The following CDK15 variants were observed in gnomAD, a reference collection of about 807,000 sequenced individuals.
CDK15 encodes the protein cyclin-dependent kinase 15.
In CDK15, 62 loss-of-function variants were observed where a neutral mutation model predicts 60.3. The ratio of observed to expected loss-of-function variants is 1.03; its 90% CI spans 0.84 to 1.27. The LOEUF is 1.27. Among genes scored for constraint, CDK15 ranks in the 50% most tolerant of loss-of-function variants. CDK15 has a pLI of 0.00. For missense variants in CDK15, 541 were observed against 527.8 expected (o/e 1.03, Z -0.25); for synonymous variants, 194 against 195.7 (o/e 0.99, Z 0.07).
At chr2:201,866,010 A>ATGTGTGTGTGTGTGTGTG (rs72270010) in intron 10 of CDK15, among the ~76,000 whole-genome samples, 2 of 139,638 alleles carry the variant, frequency 1.4e-5, no homozygotes, top group East Asian at 2.1e-4. Flanking sequence ...ACATGAGTGA[A>ATGTGTGTGTGTGTGTGTG]TGTGTGTGTG....
chr2:201,834,044 C>CTT, intron 7 of CDK15, 73 bp downstream of exon 7: 2 of 1,543,422 alleles, frequency 1.3e-6, no homozygotes, highest in Non-Finnish European at 8.8e-7. Context: ...TAAGCGTTGA[C>CTT]TGGGCCTGGC....
intron 10 of CDK15, among the ~76,000 whole-genome samples, chr2:201,859,339 C>A (rs866536407): frequency 3.3e-5 from 5 of 152,134 alleles, no homozygotes; most frequent in Admixed American, 3.3e-4. Flanking sequence ...AAATGGCGAA[C>A]CTCTAGAGAC....
At chr2:201,888,700 T>G in intron 12 of CDK15, 1 of 1,310,164 alleles carries the variant, frequency 7.6e-7, no homozygotes, top group East Asian at 3.1e-5. Context: ...TCCCAGCATG[T>G]TCTGCCAGAT....
intron 3 of CDK15, among the ~76,000 whole-genome samples, chr2:201,812,236 A>G (rs1021307190): frequency 1.3e-5 from 2 of 151,820 alleles, no homozygotes; most frequent in African/African-American, 4.8e-5. Context: ...GAAAAATAAT[A>G]ATAAGCTCCA....
intron 10 of CDK15, among the ~76,000 whole-genome samples, chr2:201,871,128 AG>A (rs1439456740): frequency 6.6e-6 from 1 of 152,166 alleles, no homozygotes; most frequent in Non-Finnish European, 1.5e-5. Context: ...ATATAAAATT[AG>A]CTCCCCTTAC....
chr2:201,814,161 A>G (rs543330030), intron 4 of CDK15, among the ~76,000 whole-genome samples: 12 of 152,370 alleles, frequency 7.9e-5, no homozygotes, highest in African/African-American at 2.6e-4. Context: ...TAACTGTAAC[A>G]GTGAAACCTT....
chr2:201,851,967 A>G (rs992494181), intron 9 of CDK15, among the ~76,000 whole-genome samples: 4 of 152,032 alleles, frequency 2.6e-5, no homozygotes, highest in Admixed American at 2.6e-4. Flanking sequence ...CCCTTTGCCC[A>G]CTGTTTAATG....
At chr2:201,858,568 G>C (rs1019926682) in intron 10 of CDK15, among the ~76,000 whole-genome samples, 56 of 152,140 alleles carry the variant, frequency 3.7e-4, no homozygotes, top group African/African-American at 1.3e-3. Context: ...GCTTTGAAAA[G>C]TAGGCGCTTT....
rs1699737342 is a variant in CDK15 at position 201,894,972 on chromosome 2, T to TTAAG, written c.*1708_*1711dup. The TTAAG allele has an allele frequency of 1.3e-5, 2 of 152,212 alleles. No homozygotes were observed. Among genetic ancestry groups the TTAAG allele is most frequent in the Admixed American group, 1.3e-4 (2 of 15,272 alleles). The allele number at this position is 152,212 out of a possible 1,614,324, so 9.4% of individuals were successfully genotyped here. On this transcript the variant is annotated 3_prime_UTR_variant, in exon 14 of 14. Coordinates refer to ENST00000652192, the MANE Select transcript of CDK15 (RefSeq NM_001366386.2). The stretch of plus-strand genomic sequence containing the variant: ...TATGACTTAGTGGAAATTGGCACTT[T>TTAAG]TAAGTACAATATGAATTAATAGTAT...
At chr2:201,892,338 A>G (rs1392398470) in intron 13 of CDK15, among the ~76,000 whole-genome samples, 1 of 152,194 alleles carries the variant, frequency 6.6e-6, no homozygotes. Flanking sequence ...ATTATCAAAG[A>G]TACTAATGGA....
intron 6 of CDK15, among the ~76,000 whole-genome samples, chr2:201,827,965 T>C (rs1000420809): frequency 4.6e-5 from 7 of 152,312 alleles, no homozygotes; most frequent in South Asian, 4.1e-4. Flanking sequence ...GTTGATATTA[T>C]GGTAGTGACA....
chr2:201,845,834 TAAA>T (rs762600745), intron 8 of CDK15, among the ~76,000 whole-genome samples: 2 of 142,958 alleles, frequency 1.4e-5, no homozygotes, highest in Admixed American at 7.1e-5. Context: ...GGTTTGCGGT[TAAA>T]AAAAAAAAAG....
chr2:201,835,907 TTATA>T, intron 8 of CDK15, 144 bp downstream of exon 8: 1 of 196,712 alleles, frequency 5.1e-6, no homozygotes, highest in Non-Finnish European at 8.8e-6. Flanking sequence ...TTATATATAT[TTATA>T]TAGTTATATA....
chr2:201,885,922 G>T (rs1229597753), intron 12 of CDK15, among the ~76,000 whole-genome samples: 1 of 152,174 alleles, frequency 6.6e-6, no homozygotes, highest in Non-Finnish European at 1.5e-5. Context: ...CTGGAAGTCA[G>T]GTAGGCTAAT....
intron 10 of CDK15, among the ~76,000 whole-genome samples, chr2:201,864,372 C>T (rs559754145): frequency 6.6e-6 from 1 of 152,180 alleles, no homozygotes; most frequent in East Asian, 1.9e-4. Flanking sequence ...GGCTGGGGTA[C>T]AGTGGCGCGA....
Position 201,854,873 on chromosome 2 carries a change from G to C in CDK15, c.946-1G>C. 1 of 1,613,824 alleles carries C rather than the reference G, an allele frequency of 6.2e-7. No homozygotes were observed. Among genetic ancestry groups the C allele is most frequent in the Non-Finnish European group, 8.5e-7 (1 of 1,179,846 alleles). ...CTTTTTCTTTGTTTGGCTTTATATA[G>C]GTGCTGGGAGTCCCTACAGAGGATA... On this transcript the variant is annotated splice_acceptor_variant, in intron 9 of 13. Transcript: ENST00000652192. LOFTEE classifies it high-confidence loss of function.
intron 6 of CDK15, 132 bp from the exon 7 acceptor site, chr2:201,833,716 C>CTTCTTCTTCT (rs111614334): frequency 1.7e-3 from 292 of 170,890 alleles, no homozygotes; most frequent in East Asian, 4.3e-3. Context: ...TCTTCTTCTT[C>CTTCTTCTTCT]TTTTTTTTTT....
chr2:201,823,787 A>G, intron 6 of CDK15, 60 bp downstream of exon 6: 1 of 1,431,546 alleles, frequency 7.0e-7, no homozygotes, highest in Non-Finnish European at 9.8e-7. Context: ...GAATTCTGAA[A>G]CAGACTGTCT....
chr2:201,827,817 T>C, intron 6 of CDK15, among the ~76,000 whole-genome samples: 1 of 152,170 alleles, frequency 6.6e-6, no homozygotes, highest in East Asian at 1.9e-4. Flanking sequence ...AGCAGACAAG[T>C]GACCGGGAAC....
Sources: gnomAD v4.1 joint callset for allele counts (sites outside exome capture counted in the v4.1 genomes callset) on GRCh38, gnomAD v4.1.1 for gene constraint, MANE v1.5 for transcripts, NCBI Gene and HGNC (gene_info 2026-07-23, HGNC 2026-07-21) for gene names.